Variants in ANKS3 observed in about 807,000 individuals in gnomAD.
ANKS3 encodes the protein ankyrin repeat and SAM domain-containing protein 3.
In ANKS3, 62 loss-of-function variants were observed where a neutral mutation model predicts 80.7. The observed-to-expected ratio is 0.77, with a 90% CI of 0.63 to 0.95. The LOEUF (loss-of-function observed/expected upper bound fraction) is 0.95. ANKS3 is among the 40% of genes least tolerant of loss of function. ANKS3 has a pLI of 0.00. For missense variants in ANKS3, 1,150 were observed against 883.6 expected, an observed-to-expected ratio of 1.30 and a Z score of -3.82; for synonymous variants, 489 against 355.3, an observed-to-expected ratio of 1.38 and a Z score of -4.23.
intron 6 of ANKS3, among the ~76,000 whole-genome samples, chr16:4,724,239 A>G (rs2081245651): frequency 6.6e-6 from 1 of 152,230 alleles, no homozygotes; most frequent in African/African-American, 2.4e-5. Context: ...TACACGGAAT[A>G]CTGTACAAAG....
chr16:4,727,601 C>A, intron 3 of ANKS3: 1 of 240,776 alleles, frequency 4.2e-6, no homozygotes, highest in Non-Finnish European at 8.3e-6. Flanking sequence ...ATGATCCAGC[C>A]TGGATTGTCA....
chr16:4,731,187 G>A (rs1365129011), intron 2 of ANKS3, among the ~76,000 whole-genome samples: 1 of 152,198 alleles, frequency 6.6e-6, no homozygotes, highest in Admixed American at 6.5e-5. Context: ...GAATTTGGGG[G>A]ACGATAGACC....
chr16:4,725,996 G>A (rs2081329025), intron 5 of ANKS3, among the ~76,000 whole-genome samples: 1 of 136,142 alleles, frequency 7.3e-6, no homozygotes, highest in African/African-American at 2.7e-5. Flanking sequence ...TTTTTTTTGA[G>A]ATGGAGTCTT....
chr16:4,701,988 TCC>T, intron 9 of ANKS3, 112 bp downstream of exon 9: 1 of 1,316,246 alleles, frequency 7.6e-7, no homozygotes, highest in Non-Finnish European at 1.0e-6. Flanking sequence ...CCCTTTCCTG[TCC>T]TCTGCTGGAT....
rs1318086550 is a variant in ANKS3, at chr16:4,726,703, G to A, written c.447C>T (p.His149=). 1.2e-6 allele frequency: 2 copies of A among 1,614,124 alleles called. No individual in the cohort carries two copies. Among genetic ancestry groups the A allele is most frequent in the African/African-American group, 1.3e-5 (1 of 74,956 alleles). ...CACTGTCCAAGAGGAACCTGACCAT[G>A]TGCTGGTGCCCGGCGCTGGTACAGT... ...LFHCTSAGHQ[H]MVRFLLDSGA... is the part of the protein sequence containing the mutation. Residue 149 remains histidine, a synonymous_variant, in exon 5 of 18, where the codon CAC becomes CAT. Transcript: ENST00000304283.
intron 9 of ANKS3, chr16:4,701,798 C>A: frequency 4.0e-6 from 2 of 503,784 alleles, no homozygotes; most frequent in Non-Finnish European, 7.0e-6. Flanking sequence ...ATGGAAACAG[C>A]TGCTGCACGG....
chr16:4,714,242 C>T, intron 6 of ANKS3, 56 bp from the exon 7 acceptor site: 1 of 1,599,180 alleles, frequency 6.3e-7, no homozygotes. Context: ...ACCTGCCCTT[C>T]CTGGGCTGCT....
intron 17 of ANKS3, 47 bp downstream of exon 17, chr16:4,696,970 G>A: frequency 1.3e-6 from 2 of 1,581,466 alleles, no homozygotes; most frequent in Non-Finnish European, 1.7e-6. Context: ...CGCCCAGACA[G>A]GCCCTGCTGC....
rs574226292 is a variant in ANKS3, at chr16:4,701,861, G to A, written c.1009+241C>T. 2.5e-5 allele frequency: 13 copies of A among 510,548 alleles called. No homozygotes were observed. The South Asian group carries it at 4.5e-4, about 18-fold the overall frequency. The allele number at this position is 510,548 out of a possible 1,614,324, so 31.6% of individuals were successfully genotyped here. On this transcript the variant is annotated intron_variant, in intron 9 of 17. Coordinates refer to ENST00000304283, the MANE Select transcript of ANKS3 (RefSeq NM_133450.4). ...TGGGGCCTGCCCTGAAAGCCTCAGG[G>A]GCTCCCAAGCAAGGAGCTAAACCTG...
At chr16:4,715,101 T>C (rs911802225) in intron 6 of ANKS3, among the ~76,000 whole-genome samples, 1 of 151,772 alleles carries the variant, frequency 6.6e-6, no homozygotes, top group Admixed American at 6.6e-5. Flanking sequence ...TCAGTTCTGT[T>C]ATTGCCATAG....
chr16:4,706,278 A>T (rs570281626), intron 7 of ANKS3, among the ~76,000 whole-genome samples: 5 of 151,694 alleles, frequency 3.3e-5, no homozygotes, highest in South Asian at 2.1e-4. Flanking sequence ...TCACCCAGGC[A>T]GGAGTGCAAT....
chr16:4,716,641 G>A (rs965803945), intron 6 of ANKS3, among the ~76,000 whole-genome samples: 1 of 152,124 alleles, frequency 6.6e-6, no homozygotes, highest in Non-Finnish European at 1.5e-5. Context: ...TTATAGGCCG[G>A]GCACAGTGGC....
At chr16:4,729,742 A>T in intron 3 of ANKS3, 2 of 351,774 alleles carry the variant, frequency 5.7e-6, no homozygotes, top group East Asian at 8.8e-5. Context: ...CTGGTTAAAG[A>T]ATGACTGTTT....
At chr16:4,726,619 C>A in intron 5 of ANKS3, 40 bp downstream of exon 5, 1 of 1,601,120 alleles carries the variant, frequency 6.2e-7, no homozygotes, top group Non-Finnish European at 8.5e-7. Flanking sequence ...TCAGATGACA[C>A]CTAGGCCACT....
Position 4,722,126 on chromosome 16 carries a change from T to G in ANKS3, c.573+2624A>C, listed in dbSNP as rs369680886. Among the ~76,000 whole-genome samples, 20 of 151,442 alleles carry G rather than the reference T, an allele frequency of 1.3e-4. No homozygotes were observed. In the East Asian group the frequency reaches 2.7e-3, roughly 20 times the overall value. ...GGCCTGCGGTGCACCCACCTTCTGG[T>G]CTGCATGTGTACCATGTGCATGTTG... On this transcript the variant is annotated intron_variant, in intron 6 of 17. Coordinates refer to ENST00000304283, the MANE Select transcript of ANKS3 (RefSeq NM_133450.4).
At chr16:4,724,231 C>T (rs1223013218) in intron 6 of ANKS3, among the ~76,000 whole-genome samples, 1 of 152,184 alleles carries the variant, frequency 6.6e-6, no homozygotes, top group Non-Finnish European at 1.5e-5. Context: ...GCAGATTGTA[C>T]ACGGAATACT....
Position 4,734,098 on chromosome 16 carries a change from G to T in ANKS3, c.-231C>A. The T allele has an allele frequency of 1.1e-6, 1 of 911,922 alleles. No homozygotes were observed. Among genetic ancestry groups the T allele is most frequent in the Non-Finnish European group, 1.3e-6 (1 of 763,026 alleles). 56.5% of individuals were successfully genotyped at this position (911,922 alleles called of 1,614,324 possible). A position where few individuals can be genotyped will look rare whatever the true frequency, so the allele number is the denominator to read the frequency against. On this transcript the variant is annotated 5_prime_UTR_variant, in exon 1 of 18. Transcript: ENST00000304283. ...TGCAGCGCGGGACGCCCGAGCGCCGGGTCTAGGCGGGCTGCAGGTGCCGGC... is the reference window on the plus strand; with the variant it reads ...TGCAGCGCGGGACGCCCGAGCGCCGTGTCTAGGCGGGCTGCAGGTGCCGGC...
In ANKS3 at chr16:4,727,066, A is replaced by G. The variant is rs766167168; in HGVS notation, c.282T>C (p.Ser94=). 2.5e-6 allele frequency: 4 copies of G among 1,613,608 alleles called. No homozygotes were observed. Among genetic ancestry groups the G allele is most frequent in the Admixed American group, 1.7e-5 (1 of 59,944 alleles). Residue 94 remains serine (S), a synonymous_variant, in exon 4 of 18, where the codon AGT becomes AGC. Transcript: ENST00000304283. ...IVHLLLEAGV[S]VNVPTPEGQT... The stretch of plus-strand genomic sequence containing the variant: ...GCCCTTCTGGGGTCGGCACATTCAC[A>G]CTCACCCCCGCCTCAAGCAGCAGGT...
At chr16:4,706,315 C>T (rs1336809256) in intron 7 of ANKS3, among the ~76,000 whole-genome samples, 1 of 152,118 alleles carries the variant, frequency 6.6e-6, no homozygotes, top group African/African-American at 2.4e-5. Flanking sequence ...ACTGCAAGCT[C>T]CACCTCCTGG....
Sources: allele counts gnomAD v4.1 joint callset (sites outside exome capture counted in the v4.1 genomes callset), GRCh38; gene constraint gnomAD v4.1.1; transcripts MANE v1.5; gene names NCBI Gene and HGNC (gene_info 2026-07-23, HGNC 2026-07-21).